The following ABTB3 variants were observed in gnomAD, a reference collection of about 807,000 sequenced individuals.
ABTB3 encodes ankyrin repeat- and BTB/POZ domain-containing protein 3.
chr12:107,385,448 G>A, the ABTB3 span, among the ~76,000 whole-genome samples: 1 of 152,248 alleles, frequency 6.6e-6, no homozygotes, highest in Non-Finnish European at 1.5e-5. Flanking sequence ...GCAGTGCCTG[G>A]TGTGGTCTCC....
the ABTB3 span, among the ~76,000 whole-genome samples, chr12:107,449,110 A>G: frequency 6.6e-6 from 1 of 152,182 alleles, no homozygotes; most frequent in East Asian, 1.9e-4. Flanking sequence ...TGAGGCAGCC[A>G]TGTGCCTGGG....
the ABTB3 span, among the ~76,000 whole-genome samples, chr12:107,366,058 T>C: frequency 2.0e-5 from 3 of 152,212 alleles, no homozygotes; most frequent in East Asian, 5.8e-4. Context: ...TTTCAGGCCA[T>C]AGTCACTGTT....
chr12:107,482,794 C>A, the ABTB3 span, among the ~76,000 whole-genome samples: 1,565 of 150,954 alleles, frequency 0.01, 39 homozygotes, highest in African/African-American at 0.036. Flanking sequence ...TCCTTCCTTC[C>A]TTCTCTCTCT....
At chr12:107,364,043 T>C in the ABTB3 span, among the ~76,000 whole-genome samples, 2 of 152,220 alleles carry the variant, frequency 1.3e-5, no homozygotes, top group Non-Finnish European at 2.9e-5. Context: ...AGCTGGGTTA[T>C]GCTGAAGTAA....
At chr12:107,580,174 G>A in the ABTB3 span, among the ~76,000 whole-genome samples, 1 of 152,192 alleles carries the variant, frequency 6.6e-6, no homozygotes, top group Admixed American at 6.5e-5. Context: ...AGATAATTCT[G>A]ATGCACATTA....
At chr12:107,424,439 G>T in the ABTB3 span, among the ~76,000 whole-genome samples, 1 of 152,198 alleles carries the variant, frequency 6.6e-6, no homozygotes. Context: ...ATTCAGGATC[G>T]AGAGTAGAGA....
At chr12:107,588,133 T>G in the ABTB3 span, among the ~76,000 whole-genome samples, 5 of 152,154 alleles carry the variant, frequency 3.3e-5, no homozygotes, top group Non-Finnish European at 5.9e-5. Flanking sequence ...TGTCCAAATT[T>G]CCAACTTGTT....
chr12:107,504,816 T>C, the ABTB3 span, among the ~76,000 whole-genome samples: 10 of 152,234 alleles, frequency 6.6e-5, no homozygotes, highest in Non-Finnish European at 1.2e-4. Flanking sequence ...TGTTTGTCCT[T>C]GGCATAAAAT....
chr12:107,488,670 A>G, the ABTB3 span, among the ~76,000 whole-genome samples: 1 of 149,754 alleles, frequency 6.7e-6, no homozygotes, highest in Non-Finnish European at 1.5e-5. Context: ...ATGTATATAT[A>G]TATAAAATAT....
the ABTB3 span, among the ~76,000 whole-genome samples, chr12:107,406,964 A>G: frequency 6.6e-6 from 1 of 151,938 alleles, no homozygotes; most frequent in Non-Finnish European, 1.5e-5. Flanking sequence ...TTGAGTCCCG[A>G]CTCTACCCCT....
At chr12:107,452,364 G>A in the ABTB3 span, among the ~76,000 whole-genome samples, 1 of 151,910 alleles carries the variant, frequency 6.6e-6, no homozygotes, top group East Asian at 1.9e-4. Context: ...CCACCACCAC[G>A]CCCGGCTAAT....
the ABTB3 span, among the ~76,000 whole-genome samples, chr12:107,461,040 AG>A: frequency 2.6e-5 from 4 of 152,268 alleles, no homozygotes; most frequent in Middle Eastern, 3.4e-3. Flanking sequence ...AGGGCTGGGG[AG>A]GCCTCACAAT....
At chr12:107,419,587 C>T in the ABTB3 span, among the ~76,000 whole-genome samples, 15,100 of 152,130 alleles carry the variant, frequency 0.099, 1,018 homozygotes, top group African/African-American at 0.2. Context: ...TGTCTACAGC[C>T]GCTCTCTGTC....
At chr12:107,475,910 C>T in the ABTB3 span, among the ~76,000 whole-genome samples, 1 of 152,082 alleles carries the variant, frequency 6.6e-6, no homozygotes, top group African/African-American at 2.4e-5. Context: ...ATGGGACCCT[C>T]CTGGCCTGGC....
the ABTB3 span, among the ~76,000 whole-genome samples, chr12:107,449,194 C>T: frequency 8.5e-4 from 130 of 152,276 alleles, no homozygotes; most frequent in African/African-American, 2.9e-3. Flanking sequence ...CAGCTGGGCT[C>T]CAGGAAGCCC....
chr12:107,611,009 G>T, the ABTB3 span, among the ~76,000 whole-genome samples: 11 of 152,186 alleles, frequency 7.2e-5, no homozygotes, highest in African/African-American at 2.7e-4. Context: ...AGCTCATGCA[G>T]TGAGTTCCAG....
chr12:107,612,923 C>G, the ABTB3 span: 1 of 1,535,236 alleles, frequency 6.5e-7, no homozygotes, highest in Non-Finnish European at 8.9e-7. Flanking sequence ...CAGGGGAAAG[C>G]GAGCAAGAAA....
chr12:107,581,095 G>A, the ABTB3 span: 1 of 1,545,514 alleles, frequency 6.5e-7, no homozygotes, highest in Non-Finnish European at 8.7e-7. Flanking sequence ...CAAGCCGGCA[G>A]CCCCTGCCTC....
chr12:107,343,296 G>A, the ABTB3 span, among the ~76,000 whole-genome samples: 2 of 152,090 alleles, frequency 1.3e-5, no homozygotes, highest in Non-Finnish European at 2.9e-5. Flanking sequence ...TTACAGACAT[G>A]AGCCACCATG....
Sources: allele counts gnomAD v4.1 joint callset (sites outside exome capture counted in the v4.1 genomes callset), GRCh38; gene constraint gnomAD v4.1.1; transcripts MANE v1.5; gene names NCBI Gene and HGNC (gene_info 2026-07-23, HGNC 2026-07-21).